SNTG2: variants seen among roughly 807,000 people sequenced by gnomAD.
The protein encoded by SNTG2 is syntrophin gamma 2.
In SNTG2, 74 loss-of-function variants were observed where a neutral mutation model predicts 70.9. That is an observed-to-expected ratio of 1.04 (90% CI 0.86 to 1.27). The LOEUF (loss-of-function observed/expected upper bound fraction) is 1.27, where lower values mean the gene tolerates loss of function less well. SNTG2 is among the 50% of genes most tolerant of loss of function. SNTG2 has a pLI of 0.00. For missense variants in SNTG2, 717 were observed against 690.7 expected (o/e 1.04, Z -0.43); for synonymous variants, 278 against 273.8 (o/e 1.02, Z -0.15).
chr2:1,069,318 G>GA (rs1012272883), intron 1 of SNTG2, among the ~76,000 whole-genome samples: 2 of 145,330 alleles, frequency 1.4e-5, no homozygotes, highest in Non-Finnish European at 3.0e-5. Flanking sequence ...TTATATAAAT[G>GA]AAAAAAATTC....
chr2:999,040 T>G lies in SNTG2; in HGVS notation c.72+47972T>G, dbSNP rs1661783278. On this transcript the variant is annotated intron_variant, in intron 1 of 16. Transcript: ENST00000308624. ...GTCAACCACAAATTTTATATCTTGC[T>G]ACACTAAGCTTCATAAATGAGGGAG... Among the ~76,000 whole-genome samples, 4 of 152,130 alleles carry G rather than the reference T, an allele frequency of 2.6e-5. 1 individual carries two copies. Among genetic ancestry groups the G allele is most frequent in the African/African-American group, 7.2e-5 (3 of 41,446 alleles).
At chr2:1,022,204 C>A (rs1415163724) in intron 1 of SNTG2, among the ~76,000 whole-genome samples, 1 of 152,080 alleles carries the variant, frequency 6.6e-6, no homozygotes, top group African/African-American at 2.4e-5. Context: ...TCCTGTGAAT[C>A]CCTAGGTTCT....
intron 1 of SNTG2, among the ~76,000 whole-genome samples, chr2:1,031,745 A>G (rs1231604844): frequency 2.0e-5 from 3 of 151,758 alleles, no homozygotes; most frequent in Non-Finnish European, 4.4e-5. Flanking sequence ...ACATGCTACA[A>G]CACAGATGAA....
intron 12 of SNTG2, among the ~76,000 whole-genome samples, chr2:1,249,837 A>C (rs1172748903): frequency 6.6e-6 from 1 of 152,156 alleles, no homozygotes; most frequent in Admixed American, 6.5e-5. Flanking sequence ...TGTTTTGTTA[A>C]AATGCAGGCG....
intron 16 of SNTG2, among the ~76,000 whole-genome samples, chr2:1,330,133 C>G (rs1329129970): frequency 6.6e-6 from 1 of 152,128 alleles, no homozygotes; most frequent in African/African-American, 2.4e-5. Flanking sequence ...GGACAAGGTC[C>G]CTGGCATTTT....
intron 6 of SNTG2, among the ~76,000 whole-genome samples, chr2:1,147,656 C>G (rs1193129597): frequency 6.6e-6 from 1 of 152,158 alleles, no homozygotes; most frequent in Non-Finnish European, 1.5e-5. Context: ...CTAGAGAACC[C>G]TGACAAATAC....
intron 4 of SNTG2, among the ~76,000 whole-genome samples, chr2:1,101,068 G>A (rs1458061979): frequency 1.3e-5 from 2 of 152,186 alleles, no homozygotes; most frequent in Non-Finnish European, 2.9e-5. Flanking sequence ...CCATGCTGAT[G>A]CCATTCTCTT....
chr2:953,511 T>C (rs1460620757), intron 1 of SNTG2, among the ~76,000 whole-genome samples: 1 of 152,226 alleles, frequency 6.6e-6, no homozygotes, highest in African/African-American at 2.4e-5. Context: ...TTTACAGATG[T>C]GAATTGCTGC....
intron 8 of SNTG2, among the ~76,000 whole-genome samples, chr2:1,175,421 G>T (rs901887769): frequency 1.3e-5 from 2 of 152,004 alleles, no homozygotes; most frequent in East Asian, 3.9e-4. Context: ...CTCTCTCTTT[G>T]TTTTTTCTTG....
At chr2:1,092,906 A>G (rs1287786055) in intron 2 of SNTG2, among the ~76,000 whole-genome samples, 1 of 152,238 alleles carries the variant, frequency 6.6e-6, no homozygotes, top group African/African-American at 2.4e-5. Context: ...ATTAAATGAT[A>G]AAATGCAGAA....
At chr2:1,324,350 T>A (rs1681674661) in intron 16 of SNTG2, among the ~76,000 whole-genome samples, 1 of 152,216 alleles carries the variant, frequency 6.6e-6, no homozygotes, top group East Asian at 1.9e-4. Flanking sequence ...GTTTAAGTTT[T>A]CTCAGAAGTA....
chr2:1,272,582 TC>T (rs1679086865), intron 14 of SNTG2, among the ~76,000 whole-genome samples: 1 of 123,502 alleles, frequency 8.1e-6, no homozygotes, highest in Admixed American at 8.0e-5. Context: ...AGAAAGGATA[TC>T]CCAGGGAGCA....
chr2:1,132,247 A>C lies in SNTG2; in HGVS notation c.326-5375A>C, dbSNP rs28436059. Reference sequence around the variant, plus strand: ...TGTATATATGTGTGTGTATATATATACACACACACACACACATACATACAC... The same window carrying C: ...TGTATATATGTGTGTGTATATATATCCACACACACACACACATACATACAC... On this transcript the variant is annotated intron_variant, in intron 4 of 16. Coordinates refer to ENST00000308624, the MANE Select transcript of SNTG2 (RefSeq NM_018968.4). Among the ~76,000 whole-genome samples the C allele has an allele frequency of 4.7e-3, 685 of 146,020 alleles. 1 individual carries two copies. The highest frequency in any genetic ancestry group is 8.0e-3 in the Non-Finnish European group (524 of 65,162).
At chr2:1,005,063 TAAGA>T (rs927134767) in intron 1 of SNTG2, among the ~76,000 whole-genome samples, 14 of 152,176 alleles carry the variant, frequency 9.2e-5, no homozygotes, top group Admixed American at 8.5e-4. Flanking sequence ...TGCAAATTAC[TAAGA>T]AAGAAGTCAA....
intron 4 of SNTG2, among the ~76,000 whole-genome samples, chr2:1,113,613 G>A (rs200198994): frequency 3.9e-4 from 53 of 135,594 alleles, no homozygotes; most frequent in Middle Eastern, 3.8e-3. Flanking sequence ...GAGGAGGATC[G>A]TGTGTACTAA....
At chr2:1,351,255 A>T (rs1052701411) in intron 16 of SNTG2, among the ~76,000 whole-genome samples, 6 of 152,038 alleles carry the variant, frequency 3.9e-5, no homozygotes, top group African/African-American at 1.4e-4. Flanking sequence ...TCTTTAAAAT[A>T]TGTCTCTGGA....
intron 16 of SNTG2, among the ~76,000 whole-genome samples, chr2:1,362,543 G>T (rs139328087): frequency 1.8e-5 from 2 of 114,152 alleles, no homozygotes; most frequent in East Asian, 2.9e-4. Context: ...AGTCACCAAT[G>T]CTGAGCATTT....
intron 16 of SNTG2, among the ~76,000 whole-genome samples, chr2:1,338,904 T>G (rs532273384): frequency 6.6e-6 from 1 of 152,342 alleles, no homozygotes; most frequent in East Asian, 1.9e-4. Context: ...CTAGGTCATA[T>G]CATAACTCTA....
intron 8 of SNTG2, among the ~76,000 whole-genome samples, chr2:1,195,329 C>G (rs1672843908): frequency 6.6e-6 from 1 of 152,176 alleles, no homozygotes; most frequent in Admixed American, 6.5e-5. Flanking sequence ...TTGAACTAAT[C>G]TACACTCCCA....
Sources: allele counts gnomAD v4.1 joint callset (sites outside exome capture counted in the v4.1 genomes callset), GRCh38; gene constraint gnomAD v4.1.1; transcripts MANE v1.5; gene names NCBI Gene and HGNC (gene_info 2026-07-23, HGNC 2026-07-21).